Variants in SYN2 observed in about 807,000 individuals in gnomAD.
SYN2 encodes synapsin II, also known as synapsin-2.
SYN2 carries 19 observed loss-of-function variants against 50.9 expected under a neutral mutation model. The ratio of observed to expected loss-of-function variants is 0.37; its 90% CI spans 0.26 to 0.55. The LOEUF is 0.55. SYN2 is among the 20% of genes least tolerant of loss of function. SYN2 has a pLI of 0.81. For missense variants in SYN2, 587 were observed against 576.4 expected (o/e 1.02, Z -0.19); for synonymous variants, 255 against 224.9 (o/e 1.13, Z -1.20).
chr3:12,097,584 C>T (rs1230223149), intron 1 of SYN2, among the ~76,000 whole-genome samples: 12 of 142,326 alleles, frequency 8.4e-5, no homozygotes, highest in East Asian at 4.0e-4. Context: ...CCAGCCTGGG[C>T]GACAGAGCGA....
At chr3:12,067,850 T>G (rs1695253463) in intron 1 of SYN2, among the ~76,000 whole-genome samples, 1 of 152,180 alleles carries the variant, frequency 6.6e-6, no homozygotes, top group African/African-American at 2.4e-5. Flanking sequence ...AACTTGAGCC[T>G]AGGAGTTTGA....
chr3:12,114,129 T>A (rs533517352), intron 1 of SYN2, among the ~76,000 whole-genome samples: 3 of 152,058 alleles, frequency 2.0e-5, no homozygotes, highest in East Asian at 1.9e-4. Flanking sequence ...TTTTTTTTTT[T>A]ATTGTAGCTA....
At chr3:12,159,091 C>A in intron 5 of SYN2, 2 of 493,336 alleles carry the variant, frequency 4.1e-6, no homozygotes, top group South Asian at 3.9e-5. Flanking sequence ...ACCTCTGTTT[C>A]CCTGCCTAAG....
intron 1 of SYN2, among the ~76,000 whole-genome samples, chr3:12,025,717 C>G (rs1342532799): frequency 6.6e-6 from 1 of 151,962 alleles, no homozygotes; most frequent in African/African-American, 2.4e-5. Context: ...TATAAGTGGT[C>G]CCCTTCTGAT....
At chr3:12,114,499 A>T (rs1696387993) in intron 1 of SYN2, among the ~76,000 whole-genome samples, 1 of 152,140 alleles carries the variant, frequency 6.6e-6, no homozygotes, top group South Asian at 2.1e-4. Flanking sequence ...TGTATATCTT[A>T]AAAATCTTGC....
At chr3:12,112,146 G>C (rs73813126) in intron 1 of SYN2, among the ~76,000 whole-genome samples, 1 of 151,962 alleles carries the variant, frequency 6.6e-6, no homozygotes, top group Admixed American at 6.6e-5. Context: ...TATCAGAAGT[G>C]CTCTGAGTCT....
rs1048557322 is a variant in SYN2, at chr3:12,190,805, C to T, written c.*180C>T. On this transcript the variant is annotated 3_prime_UTR_variant, in exon 13 of 13. Coordinates refer to ENST00000621198, the MANE Select transcript of SYN2 (RefSeq NM_133625.6). ...AAAGGACCATTTGACAGTCTCAGGG[C>T]AGGTGCCTACCCAGCAAGGGGTACC... The T allele has an allele frequency of 4.4e-6, 6 of 1,367,530 alleles. No individual in the cohort carries two copies. The highest frequency in any genetic ancestry group is 5.6e-6 in the Non-Finnish European group (6 of 1,067,750). 84.7% of individuals were successfully genotyped at this position (1,367,530 alleles called of 1,614,324 possible).
At chr3:12,088,490 G>A (rs1267052326) in intron 1 of SYN2, among the ~76,000 whole-genome samples, 1 of 152,118 alleles carries the variant, frequency 6.6e-6, no homozygotes, top group Middle Eastern at 3.2e-3. Flanking sequence ...AAAACGCTAT[G>A]GAGGTTCCTC....
chr3:12,013,627 C>T (rs866544736), intron 1 of SYN2, among the ~76,000 whole-genome samples: 132 of 152,220 alleles, frequency 8.7e-4, no homozygotes, highest in African/African-American at 3.1e-3. Flanking sequence ...AGTGGGACAC[C>T]GATGGTCACC....
chr3:12,132,800 C>A (rs1392145783), intron 1 of SYN2, among the ~76,000 whole-genome samples: 3 of 152,130 alleles, frequency 2.0e-5, no homozygotes, highest in Non-Finnish European at 4.4e-5. Context: ...TGATAACTAA[C>A]ATTTTTTTAC....
chr3:12,092,372 G>C (rs116017412), intron 1 of SYN2, among the ~76,000 whole-genome samples: 31 of 152,044 alleles, frequency 2.0e-4, no homozygotes, highest in Non-Finnish European at 3.7e-4. Context: ...TGCTTTCCAC[G>C]AGCTCATTCT....
At chr3:12,069,573 T>C (rs985530425) in intron 1 of SYN2, among the ~76,000 whole-genome samples, 1 of 151,996 alleles carries the variant, frequency 6.6e-6, no homozygotes, top group Non-Finnish European at 1.5e-5. Flanking sequence ...TAAACTCCTT[T>C]GGGTATACCT....
intron 7 of SYN2, among the ~76,000 whole-genome samples, chr3:12,165,136 A>G (rs1011616174): frequency 3.3e-5 from 5 of 151,852 alleles, no homozygotes; most frequent in Non-Finnish European, 7.4e-5. Context: ...ACAGGCACCC[A>G]CCACCATGCC....
chr3:12,098,410 A>G (rs944419670), intron 1 of SYN2, among the ~76,000 whole-genome samples: 7 of 152,200 alleles, frequency 4.6e-5, no homozygotes, highest in Non-Finnish European at 8.8e-5. Context: ...TTATATGATA[A>G]TAGCACAAAG....
At chr3:12,188,452 G>A (rs1402527850) in intron 12 of SYN2, among the ~76,000 whole-genome samples, 1 of 152,232 alleles carries the variant, frequency 6.6e-6, no homozygotes, top group Non-Finnish European at 1.5e-5. Flanking sequence ...GGGATGGTAA[G>A]GGGATGGTAG....
At chr3:12,184,944 C>T (rs892271889) in intron 11 of SYN2, 25 of 985,522 alleles carry the variant, frequency 2.5e-5, no homozygotes, top group South Asian at 4.7e-5. Flanking sequence ...GTCATGTCAC[C>T]GTTCTGAACT....
At chr3:12,058,503 C>G (rs1026281757) in intron 1 of SYN2, among the ~76,000 whole-genome samples, 3 of 152,180 alleles carry the variant, frequency 2.0e-5, no homozygotes, top group Non-Finnish European at 4.4e-5. Context: ...GCAAACTGTT[C>G]CTTCCAGTGC....
chr3:12,117,167 G>C (rs531352451), intron 1 of SYN2, among the ~76,000 whole-genome samples: 2 of 152,122 alleles, frequency 1.3e-5, no homozygotes, highest in Admixed American at 6.5e-5. Context: ...AGTGCAGTTG[G>C]TTACAACCCC....
rs376943360 is a variant in SYN2, at chr3:12,185,298, G to A, written c.1369+1926G>A. 1.9e-5 allele frequency: 19 copies of A among 985,692 alleles called. No individual in the cohort carries two copies. The East Asian group carries it at 1.0e-3, about 53-fold the overall frequency. 61.1% of individuals were successfully genotyped at this position (985,692 alleles called of 1,614,324 possible). A position where few individuals can be genotyped will look rare whatever the true frequency, so the allele number is the denominator to read the frequency against. On this transcript the variant is annotated intron_variant, in intron 11 of 12. Coordinates refer to ENST00000621198, the MANE Select transcript of SYN2 (RefSeq NM_133625.6). Reference sequence around the variant, plus strand: ...TTTTTGTCCAAGCGATGAGCTGACGGTGGTATTGCTTCTCTGCATGTTATC... The same window carrying A: ...TTTTTGTCCAAGCGATGAGCTGACGATGGTATTGCTTCTCTGCATGTTATC...
Sources: allele counts gnomAD v4.1 joint callset (sites outside exome capture counted in the v4.1 genomes callset), GRCh38; gene constraint gnomAD v4.1.1; transcripts MANE v1.5; gene names NCBI Gene and HGNC (gene_info 2026-07-23, HGNC 2026-07-21).